The following OR56A3 variants were observed in gnomAD, a reference collection of about 807,000 sequenced individuals.
OR56A3 encodes the protein olfactory receptor 56A3.
In OR56A3, 23 loss-of-function variants were observed where a neutral mutation model predicts 17.5. That is an observed-to-expected ratio of 1.32 (90% CI 0.95 to 1.87). The LOEUF (loss-of-function observed/expected upper bound fraction) is 1.87, where lower values mean the gene tolerates loss of function less well. OR56A3 is among the 40% of genes most tolerant of loss of function. The pLI is 0.00. For synonymous variants in OR56A3, 175 were observed against 150.6 expected, an observed-to-expected ratio of 1.16 and a Z score of -1.19; for missense variants, 366 against 380.1, an observed-to-expected ratio of 0.96 and a Z score of 0.31.
At chr11:5,977,473 G>A in the OR56A3 span, among the ~76,000 whole-genome samples, 1 of 152,134 alleles carries the variant, frequency 6.6e-6, no homozygotes, top group Non-Finnish European at 1.5e-5. Flanking sequence ...GTGATGTTGA[G>A]TATTTTTTCA....
chr11:6,012,363 G>A, the OR56A3 span, among the ~76,000 whole-genome samples: 103,299 of 152,042 alleles, frequency 0.68, 35,423 homozygotes, highest in East Asian at 0.94. Context: ...CAAATTGTCA[G>A]TTGTCAGCAG....
chr11:5,955,633 G>T (rs987709155), downstream of OR56A3, among the ~76,000 whole-genome samples: 1 of 152,132 alleles, frequency 6.6e-6, no homozygotes, highest in African/African-American at 2.4e-5. Flanking sequence ...GCTTCTGGGG[G>T]GTTACATTCC....
chr11:5,982,148 A>G, the OR56A3 span, among the ~76,000 whole-genome samples: 1 of 152,156 alleles, frequency 6.6e-6, no homozygotes, highest in Non-Finnish European at 1.5e-5. Flanking sequence ...GTGTTCAGGC[A>G]GTGTCAGGGC....
the OR56A3 span, among the ~76,000 whole-genome samples, chr11:6,015,729 T>C: frequency 6.6e-6 from 1 of 152,232 alleles, no homozygotes; most frequent in African/African-American, 2.4e-5. Flanking sequence ...CAGACTTCCA[T>C]GGGGCCTGTA....
intron 2 of OR56A3, among the ~76,000 whole-genome samples, chr11:5,946,220 C>T (rs1301900145): frequency 2.0e-5 from 3 of 152,246 alleles, no homozygotes; most frequent in Non-Finnish European, 4.4e-5. Flanking sequence ...CCCTATGTCA[C>T]ACTCAACTCT....
the OR56A3 span, among the ~76,000 whole-genome samples, chr11:5,976,256 A>G: frequency 4.6e-5 from 7 of 152,092 alleles, no homozygotes; most frequent in South Asian, 1.5e-3. Context: ...AAAGAAAAGG[A>G]ACTTTAAGGA....
the OR56A3 span, among the ~76,000 whole-genome samples, chr11:5,979,678 T>A: frequency 6.6e-6 from 1 of 152,100 alleles, no homozygotes; most frequent in African/African-American, 2.4e-5. Flanking sequence ...ATCTTTTGTA[T>A]AGTTTTTTGC....
chr11:5,967,581 C>T, the OR56A3 span: 1 of 1,603,544 alleles, frequency 6.2e-7, no homozygotes, highest in Non-Finnish European at 8.5e-7. Context: ...GTTCTGGATT[C>T]CCTGCTTGAT....
the OR56A3 span, among the ~76,000 whole-genome samples, chr11:5,960,493 G>C: frequency 6.6e-6 from 1 of 152,222 alleles, no homozygotes; most frequent in Non-Finnish European, 1.5e-5. Context: ...GCTCCTGACC[G>C]CGAGTGGTCT....
rs1316515833 is a variant in OR56A3, at chr11:5,948,167, C to T, written c.821C>T (p.Pro274Leu). ...CATGTGGCTAAGAAGAAAGTCTCCC[C>T]TGATGTGCCAGTCTTGCTCAATGTT... is the stretch of plus-strand genomic sequence containing the variant. ...LTHVAKKKVS[P>L]DVPVLLNVLH... Residue 274 changes from proline to leucine, a missense_variant, in exon 3 of 3, where the codon CCT becomes CTT. By Grantham distance (98) the Pro-to-Leu change is moderately conservative. Coordinates refer to ENST00000641160, the MANE Select transcript of OR56A3 (RefSeq NM_001003443.3). 1.9e-6 allele frequency: 3 copies of T among 1,614,226 alleles called. No homozygotes were observed. Among genetic ancestry groups the T allele is most frequent in the South Asian group, 1.1e-5 (1 of 91,084 alleles).
chr11:5,963,111 A>G, the OR56A3 span, among the ~76,000 whole-genome samples: 1 of 151,814 alleles, frequency 6.6e-6, no homozygotes, highest in Non-Finnish European at 1.5e-5. Context: ...AAGGCTTGTT[A>G]ATTTTATCAT....
At chr11:6,014,110 C>T in the OR56A3 span, among the ~76,000 whole-genome samples, 1 of 152,144 alleles carries the variant, frequency 6.6e-6, no homozygotes, top group Non-Finnish European at 1.5e-5. Context: ...AAAACACAGC[C>T]CACTACTGCC....
chr11:5,975,435 C>T, the OR56A3 span, among the ~76,000 whole-genome samples: 1 of 147,070 alleles, frequency 6.8e-6, no homozygotes, highest in African/African-American at 2.5e-5. Context: ...TCAATTCCCA[C>T]CTATGAGTGA....
chr11:5,982,618 A>G, the OR56A3 span, among the ~76,000 whole-genome samples: 1 of 152,114 alleles, frequency 6.6e-6, no homozygotes, highest in Non-Finnish European at 1.5e-5. Context: ...GCCAACAGTC[A>G]ACAAGGTCAA....
chr11:5,982,446 G>A, the OR56A3 span, among the ~76,000 whole-genome samples: 1 of 152,284 alleles, frequency 6.6e-6, no homozygotes, highest in South Asian at 2.1e-4. Context: ...GCTAGTGAAG[G>A]AGCTATGGCA....
chr11:5,971,974 A>T, the OR56A3 span, among the ~76,000 whole-genome samples: 1 of 152,316 alleles, frequency 6.6e-6, no homozygotes, highest in East Asian at 1.9e-4. Flanking sequence ...GCTATTAGGG[A>T]AAAAAAGTCA....
chr11:6,009,937 T>A, the OR56A3 span, among the ~76,000 whole-genome samples: 6 of 152,174 alleles, frequency 3.9e-5, no homozygotes, highest in Admixed American at 3.3e-4. Context: ...CAAATTGTAT[T>A]GGTTTCAGAT....
the OR56A3 span, among the ~76,000 whole-genome samples, chr11:5,995,647 A>G: frequency 6.6e-6 from 1 of 152,192 alleles, no homozygotes; most frequent in East Asian, 1.9e-4. Context: ...ATTGTGTACA[A>G]CATGTTTTAA....
At chr11:6,009,095 G>T in the OR56A3 span, among the ~76,000 whole-genome samples, 2 of 152,084 alleles carry the variant, frequency 1.3e-5, no homozygotes, top group South Asian at 4.1e-4. Context: ...ATCTTATTTG[G>T]AAACAGGGTC....
Sources: allele counts gnomAD v4.1 joint callset (sites outside exome capture counted in the v4.1 genomes callset), GRCh38; gene constraint gnomAD v4.1.1; transcripts MANE v1.5; gene names NCBI Gene and HGNC (gene_info 2026-07-23, HGNC 2026-07-21).